The following CNKSR2 variants were observed in gnomAD, a reference collection of about 807,000 sequenced individuals.
CNKSR2 encodes CNK homolog protein 2.
CNKSR2 carries 14 observed loss-of-function variants against 84.4 expected under a neutral mutation model. That is an observed-to-expected ratio of 0.17 (90% CI 0.11 to 0.26). The LOEUF is 0.26. CNKSR2 is among the 10% of genes least tolerant of loss of function. CNKSR2 has a pLI of 1.00. For missense variants in CNKSR2, 485 were observed against 771.2 expected, an observed-to-expected ratio of 0.63 and a Z score of 4.40; for synonymous variants, 275 against 277.9, an observed-to-expected ratio of 0.99 and a Z score of 0.10.
At chrX:21,600,622 A>G (rs1359088845) in intron 17 of CNKSR2, among the ~76,000 whole-genome samples, 1 of 112,388 alleles carries the variant, frequency 8.9e-6, no homozygotes, top group Non-Finnish European at 1.9e-5. Context: ...TACATTGGCA[A>G]TAGCAGCACT....
intron 11 of CNKSR2, among the ~76,000 whole-genome samples, chrX:21,552,377 G>A (rs766591167): frequency 8.9e-6 from 1 of 111,996 alleles, no homozygotes; most frequent in East Asian, 2.8e-4. Context: ...TTAATTTACT[G>A]TTTCCCAAAT....
At chrX:21,411,119 G>GT (rs1183903957) in intron 1 of CNKSR2, among the ~76,000 whole-genome samples, 1 of 110,813 alleles carries the variant, frequency 9.0e-6, no homozygotes, top group Non-Finnish European at 1.9e-5. Context: ...TCTAATGGCA[G>GT]TTTTTTTACC....
chrX:21,555,600 G>A (rs1004524918), intron 11 of CNKSR2, among the ~76,000 whole-genome samples: 2 of 111,230 alleles, frequency 1.8e-5, no homozygotes, highest in African/African-American at 6.5e-5. Flanking sequence ...GGTATGTGGG[G>A]TTTTTGATGG....
At chrX:21,552,305 TC>T (rs1161777801) in intron 11 of CNKSR2, among the ~76,000 whole-genome samples, 35 of 111,611 alleles carry the variant, frequency 3.1e-4, no homozygotes, top group Non-Finnish European at 6.6e-4. Flanking sequence ...TTTAGGCCCC[TC>T]TTGGAGATTA....
chrX:21,442,234 A>C (rs2090793690), intron 4 of CNKSR2, among the ~76,000 whole-genome samples: 1 of 109,772 alleles, frequency 9.1e-6, no homozygotes, highest in Non-Finnish European at 1.9e-5. Context: ...TCATCACATA[A>C]GATTGGTTAT....
chrX:21,548,193 A>G (rs1442952287), intron 11 of CNKSR2, among the ~76,000 whole-genome samples: 6 of 112,124 alleles, frequency 5.4e-5, no homozygotes, highest in Non-Finnish European at 9.4e-5. Context: ...TAAGGAAAAA[A>G]TAAAGAAGAA....
intron 8 of CNKSR2, among the ~76,000 whole-genome samples, chrX:21,515,719 A>G (rs1337561292): frequency 8.9e-6 from 1 of 111,891 alleles, no homozygotes; most frequent in Non-Finnish European, 1.9e-5. Context: ...AAGTAATTTT[A>G]ACAGGGGATG....
At chrX:21,561,591 G>A (rs2092190202) in intron 12 of CNKSR2, 31 bp downstream of exon 12, 3 of 1,061,329 alleles carry the variant, frequency 2.8e-6, no homozygotes, top group Non-Finnish European at 3.9e-6. Flanking sequence ...GTGTAGGCTG[G>A]GTTGTTTGAA....
chrX:21,599,350 G>A (rs1336442140), intron 17 of CNKSR2, among the ~76,000 whole-genome samples: 2 of 103,544 alleles, frequency 1.9e-5, no homozygotes. Flanking sequence ...GTGTGTGTGT[G>A]TGTGTGTGTG....
chrX:21,488,678 A>G lies in CNKSR2; in HGVS notation c.562-1781A>G, dbSNP rs141243202. Among the ~76,000 whole-genome samples, 20 of 111,917 alleles carry G rather than the reference A, an allele frequency of 1.8e-4. No individual in the cohort carries two copies. The East Asian group carries it at 5.4e-3, about 30-fold the overall frequency. On this transcript the variant is annotated intron_variant, in intron 5 of 21. Transcript: ENST00000379510. The stretch of plus-strand genomic sequence containing the variant: ...CAAAGTGAGGCCATGGACCAAGGAC[A>G]GAACATAGTAAATAAAAAGAGAGTT...
chrX:21,383,720 G>C (rs1371040233), intron 1 of CNKSR2, among the ~76,000 whole-genome samples: 1 of 108,927 alleles, frequency 9.2e-6, no homozygotes, highest in African/African-American at 3.3e-5. Context: ...TTTTGTTCCA[G>C]ATACATCTGC....
chrX:21,619,563 C>T (rs952553114), intron 20 of CNKSR2, among the ~76,000 whole-genome samples: 1 of 111,213 alleles, frequency 9.0e-6, no homozygotes, highest in African/African-American at 3.3e-5. Context: ...AAGATCTATT[C>T]ACTTAAGACC....
intron 9 of CNKSR2, among the ~76,000 whole-genome samples, chrX:21,517,488 T>C (rs1180932202): frequency 3.6e-5 from 4 of 111,439 alleles, no homozygotes. Context: ...TTTTGCATTT[T>C]TCTTCAGCAT....
At chrX:21,404,782 T>A in intron 1 of CNKSR2, among the ~76,000 whole-genome samples, 1 of 75,790 alleles carries the variant, frequency 1.3e-5, no homozygotes, top group Admixed American at 1.6e-4. Context: ...AGAGCAAAAC[T>A]CTGTCTCAAA....
intron 9 of CNKSR2, among the ~76,000 whole-genome samples, chrX:21,521,155 GA>G (rs762389693): frequency 3.7e-5 from 4 of 106,772 alleles, no homozygotes; most frequent in Non-Finnish European, 5.9e-5. Flanking sequence ...CGTTGTGACT[GA>G]AAAAAAAACA....
Position 21,374,594 on chromosome X carries a change from G to GGCAGCAGCAGGAGCA in CNKSR2, c.-294_-293insGAGCAGCAGCAGCAG, listed in dbSNP as rs2089769566. The GGCAGCAGCAGGAGCA allele has an allele frequency of 2.2e-6, 1 of 459,618 alleles. No homozygotes were observed. Among genetic ancestry groups the GGCAGCAGCAGGAGCA allele is most frequent in the Admixed American group, 2.9e-5 (1 of 34,063 alleles). 37.9% of individuals were successfully genotyped at this position (459,618 alleles called of 1,213,427 possible). On this transcript the variant is annotated 5_prime_UTR_variant, in exon 1 of 22. Transcript: ENST00000379510. ...ACGGAGACCGGAGCGGAGCGGCGGAGGCAGCAGCAGCAGCAGCAGCAGCAG... is the reference window on the plus strand; with the variant it reads ...ACGGAGACCGGAGCGGAGCGGCGGAGGCAGCAGCAGGAGCAGCAGCAGCAGCAGCAGCAGCAGCAG...
chrX:21,609,001 C>T (rs2092534113), intron 19 of CNKSR2, 70 bp from the exon 20 acceptor site: 5 of 1,131,871 alleles, frequency 4.4e-6, no homozygotes, highest in South Asian at 2.3e-5. Context: ...TGGTAGAAAC[C>T]GAATGTGTTC....
intron 8 of CNKSR2, among the ~76,000 whole-genome samples, chrX:21,507,933 A>G (rs1399922007): frequency 8.9e-6 from 1 of 111,939 alleles, no homozygotes; most frequent in Non-Finnish European, 1.9e-5. Context: ...TTTTTCCAGC[A>G]TCTTTGTAAG....
intron 5 of CNKSR2, among the ~76,000 whole-genome samples, chrX:21,473,747 T>TTTTTTTTTTTTTTTTTTTTTTTTTTTTC: frequency 1.3e-5 from 1 of 75,255 alleles, no homozygotes; most frequent in African/African-American, 8.9e-5. Flanking sequence ...TTGGTTTGGT[T>TTTTTTTTTTTTTTTTTTTTTTTTTTTTC]TTTTTTTTTT....
Sources: gnomAD v4.1 joint callset for allele counts (sites outside exome capture counted in the v4.1 genomes callset) on GRCh38, gnomAD v4.1.1 for gene constraint, MANE v1.5 for transcripts, NCBI Gene and HGNC (gene_info 2026-07-23, HGNC 2026-07-21) for gene names.